Variants in VWA8 observed in about 807,000 individuals in gnomAD.
The protein encoded by VWA8 is von Willebrand factor A domain-containing protein 8.
Under a neutral mutation model 241.5 loss-of-function variants are expected in VWA8, and 221 were observed. That is an observed-to-expected ratio of 0.91 (90% CI 0.82 to 1.02). The LOEUF (loss-of-function observed/expected upper bound fraction) is 1.02, where lower values mean the gene tolerates loss of function less well. VWA8 is among the 50% of genes least tolerant of loss of function. VWA8 has a pLI of 0.00. For synonymous variants in VWA8, 852 were observed against 827.1 expected (o/e 1.03, Z -0.52); for missense variants, 2,322 against 2,328.7 (o/e 1.00, Z 0.06).
chr13:41,822,060 T>C (rs922050315), intron 14 of VWA8, among the ~76,000 whole-genome samples: 3 of 152,162 alleles, frequency 2.0e-5, no homozygotes, highest in African/African-American at 4.8e-5. Context: ...TTGAGGATTA[T>C]AGATAGATTC....
At chr13:41,869,459 C>A (rs1466873774) in intron 9 of VWA8, among the ~76,000 whole-genome samples, 2 of 151,644 alleles carry the variant, frequency 1.3e-5, no homozygotes, top group Non-Finnish European at 2.9e-5. Flanking sequence ...CATGGTGAAA[C>A]CCTGTCTACT....
intron 1 of VWA8, among the ~76,000 whole-genome samples, chr13:41,958,123 A>G (rs1878430243): frequency 6.6e-6 from 1 of 152,246 alleles, no homozygotes; most frequent in South Asian, 2.1e-4. Context: ...ATACTATCTG[A>G]CAGCACAGGA....
intron 17 of VWA8, among the ~76,000 whole-genome samples, chr13:41,802,279 G>A (rs955283683): frequency 1.3e-5 from 2 of 152,090 alleles, no homozygotes; most frequent in African/African-American, 2.4e-5. Flanking sequence ...TCACAGTGGA[G>A]AGCAACAGGG....
rs748468253 is a variant in VWA8, at chr13:41,719,650, A to G, written c.3057T>C (p.Thr1019=). 1 of 1,613,262 alleles carries G rather than the reference A, an allele frequency of 6.2e-7. No homozygotes were observed. Among genetic ancestry groups the G allele is most frequent in the East Asian group, 2.2e-5 (1 of 44,842 alleles). ...CGATAGGTATCCCGTATTTGTGTAA[A>G]GTGTTAATCAATATCTCCCTCATGT... is the stretch of plus-strand genomic sequence containing the variant. ...NNDMREILIN[T]LHKYGIPIGA... is the part of the protein sequence containing the mutation. Residue 1019 remains threonine, a synonymous_variant, in exon 26 of 45, where the codon ACT becomes ACC. Transcript: ENST00000379310.
intron 12 of VWA8, among the ~76,000 whole-genome samples, chr13:41,864,989 C>CAAAAAAAA (rs35515775): frequency 1.3e-5 from 1 of 75,106 alleles, no homozygotes; most frequent in African/African-American, 5.8e-5. Flanking sequence ...AACTCCATCT[C>CAAAAAAAA]AAAAAAAAAA....
chr13:41,781,740 T>G (rs1373843481), intron 19 of VWA8, among the ~76,000 whole-genome samples: 1 of 152,230 alleles, frequency 6.6e-6, no homozygotes, highest in Non-Finnish European at 1.5e-5. Flanking sequence ...ATACTCTTTA[T>G]CAAGAACATT....
intron 21 of VWA8, among the ~76,000 whole-genome samples, chr13:41,751,775 T>C (rs2045657996): frequency 6.6e-6 from 1 of 152,204 alleles, no homozygotes; most frequent in Non-Finnish European, 1.5e-5. Flanking sequence ...AAATGCAATA[T>C]TTTAATGACC....
chr13:41,959,390 TC>T lies in VWA8; in HGVS notation c.163+1462del, dbSNP rs557305752. On this transcript the variant is annotated intron_variant, in intron 1 of 44. Transcript: ENST00000379310. The stretch of plus-strand genomic sequence containing the variant: ...TTATGCTATACTTCCACCTTTGACC[TC>T]TGCCTTCTAGGGCAAAGGAGCAAAA... 4.2e-3 allele frequency among the ~76,000 whole-genome samples: 628 copies of T among 150,868 alleles called. 4 individuals carry two copies. Among genetic ancestry groups the T allele is most frequent in the African/African-American group, 0.015 (600 of 40,980 alleles).
At chr13:41,684,909 T>A in intron 35 of VWA8, 138 bp downstream of exon 35, 1 of 780,828 alleles carries the variant, frequency 1.3e-6, no homozygotes, top group Non-Finnish European at 2.0e-6. Flanking sequence ...GGAGAGGTCT[T>A]TTTAGTTACT....
intron 12 of VWA8, among the ~76,000 whole-genome samples, chr13:41,864,380 ATTAC>A (rs917432447): frequency 6.6e-6 from 1 of 152,196 alleles, no homozygotes; most frequent in Non-Finnish European, 1.5e-5. Flanking sequence ...TCACAGCAGA[ATTAC>A]TTACTATAGC....
chr13:41,835,260 A>T (rs1342830658), intron 12 of VWA8, among the ~76,000 whole-genome samples: 1 of 152,200 alleles, frequency 6.6e-6, no homozygotes, highest in Non-Finnish European at 1.5e-5. Context: ...TGGAAATTTT[A>T]AAAAGAGAAA....
chr13:41,725,950 T>C (rs1420908949), intron 24 of VWA8, among the ~76,000 whole-genome samples: 1 of 152,224 alleles, frequency 6.6e-6, no homozygotes, highest in African/African-American at 2.4e-5. Context: ...TTCCCATCCC[T>C]AACTTCCATT....
chr13:41,625,684 G>C (rs1488317682), intron 37 of VWA8, among the ~76,000 whole-genome samples: 1 of 151,948 alleles, frequency 6.6e-6, no homozygotes, highest in Non-Finnish European at 1.5e-5. Flanking sequence ...CGATTCCTCA[G>C]GGATCTAGAA....
intron 29 of VWA8, among the ~76,000 whole-genome samples, chr13:41,696,344 A>G (rs1038475756): frequency 6.6e-6 from 1 of 152,206 alleles, no homozygotes; most frequent in Non-Finnish European, 1.5e-5. Flanking sequence ...TGAACTACTG[A>G]TATATTATGC....
At chr13:41,568,687 C>A (rs1326955362) in intron 44 of VWA8, among the ~76,000 whole-genome samples, 2 of 152,190 alleles carry the variant, frequency 1.3e-5, no homozygotes, top group Non-Finnish European at 2.9e-5. Flanking sequence ...GTTGACCTTA[C>A]ACTGTATTTC....
intron 43 of VWA8, among the ~76,000 whole-genome samples, chr13:41,571,328 G>GTCTCCC (rs879586722): frequency 0.097 from 9,511 of 98,418 alleles, 523 homozygotes; most frequent in Non-Finnish European, 0.12. Flanking sequence ...TCCCTCTCCC[G>GTCTCCC]TCTCCCTCTC....
chr13:41,803,347 C>G (rs1221214232), intron 17 of VWA8, among the ~76,000 whole-genome samples: 7 of 152,186 alleles, frequency 4.6e-5, no homozygotes, highest in Non-Finnish European at 5.9e-5. Context: ...GGTGACCAAT[C>G]TCAGAGAGAC....
At chr13:41,898,269 CAG>C (rs1396649203) in intron 4 of VWA8, among the ~76,000 whole-genome samples, 2 of 152,058 alleles carry the variant, frequency 1.3e-5, no homozygotes. Flanking sequence ...GAGCTAGACA[CAG>C]GGTGCTGATT....
chr13:41,574,335 C>A (rs1367688021), intron 43 of VWA8, among the ~76,000 whole-genome samples: 1 of 152,114 alleles, frequency 6.6e-6, no homozygotes. Flanking sequence ...TAGCTGCACA[C>A]ACACAAAACC....
Sources: gnomAD v4.1 joint callset for allele counts (sites outside exome capture counted in the v4.1 genomes callset) on GRCh38, gnomAD v4.1.1 for gene constraint, MANE v1.5 for transcripts, NCBI Gene and HGNC (gene_info 2026-07-23, HGNC 2026-07-21) for gene names.